The following C19orf18 variants were observed in gnomAD, a reference collection of about 807,000 sequenced individuals.
The protein encoded by C19orf18 is uncharacterized protein C19orf18.
A neutral mutation model predicts 23.3 loss-of-function variants in C19orf18; 21 were observed. The observed-to-expected ratio is 0.90, with a 90% CI of 0.64 to 1.30. The LOEUF is 1.30. Ranked by LOEUF, C19orf18 falls within the 50% of genes most tolerant of loss-of-function variation. The pLI is 0.00. For missense variants in C19orf18, 249 were observed against 259.6 expected, an observed-to-expected ratio of 0.96 and a Z score of 0.28; for synonymous variants, 96 against 95.2, an observed-to-expected ratio of 1.01 and a Z score of -0.05.
At chr19:57,969,603 A>C (rs912452274) in intron 3 of C19orf18, among the ~76,000 whole-genome samples, 3 of 148,372 alleles carry the variant, frequency 2.0e-5, no homozygotes, top group Non-Finnish European at 4.5e-5. Flanking sequence ...AAAACCAAGA[A>C]AAAAAACAAA....
At chr19:57,967,177 T>C (rs2072914692) in intron 3 of C19orf18, among the ~76,000 whole-genome samples, 1 of 151,978 alleles carries the variant, frequency 6.6e-6, no homozygotes, top group African/African-American at 2.4e-5. Context: ...ATATTAGCTG[T>C]GTGGTGGGGA....
rs915652440 is a variant in C19orf18 at position 57,972,358 on chromosome 19, G to C, written c.268+105C>G. The C allele has an allele frequency of 2.2e-6, 3 of 1,346,232 alleles. No homozygotes were observed. In the African/African-American group the frequency reaches 4.4e-5, roughly 20 times the overall value. The allele number at this position is 1,346,232 out of a possible 1,614,324, so 83.4% of individuals were successfully genotyped here. A position where few individuals can be genotyped will look rare whatever the true frequency, so the allele number is the denominator to read the frequency against. ...TGTCTAACACACATGAAGGCACCAC[G>C]TGTGCAGGCTCCTTGGTGACCAGCC... On this transcript the variant is annotated intron_variant, in intron 3 of 5. Transcript: ENST00000314391.
At chr19:57,965,886 G>A (rs904293486) in intron 4 of C19orf18, among the ~76,000 whole-genome samples, 12 of 151,890 alleles carry the variant, frequency 7.9e-5, no homozygotes, top group African/African-American at 2.4e-4. Flanking sequence ...TTTCACAACC[G>A]TGTGTCTGTG....
intron 2 of C19orf18, 80 bp from the exon 3 acceptor site, chr19:57,972,584 T>C (rs940181157): frequency 1.3e-6 from 2 of 1,513,740 alleles, no homozygotes; most frequent in Admixed American, 3.6e-5. Context: ...AGGAAATAAC[T>C]TAGCATTAGA....
chr19:57,961,890 C>T (rs2375162), intron 4 of C19orf18, among the ~76,000 whole-genome samples: 38,381 of 149,596 alleles, frequency 0.26, 5,089 homozygotes, highest in African/African-American at 0.35. Context: ...CTTTTTCTTT[C>T]TCTTTTTTTT....
At chr19:57,962,778 A>G (rs2072882400) in intron 4 of C19orf18, among the ~76,000 whole-genome samples, 1 of 151,396 alleles carries the variant, frequency 6.6e-6, no homozygotes, top group African/African-American at 2.4e-5. Flanking sequence ...AATCACTTGA[A>G]CCTGGGAGGC....
chr19:57,966,659 G>T, intron 3 of C19orf18, 27 bp from the exon 4 acceptor site: 2 of 1,491,536 alleles, frequency 1.3e-6, no homozygotes, highest in East Asian at 2.3e-5. Flanking sequence ...GAAAAGAAGT[G>T]CTCAAAAATG....
chr19:57,964,427 G>A (rs1208228706), intron 4 of C19orf18, among the ~76,000 whole-genome samples: 1 of 152,106 alleles, frequency 6.6e-6, no homozygotes, highest in African/African-American at 2.4e-5. Context: ...GACTACAGGT[G>A]CGTGCTACCA....
rs1008466804 is a variant in C19orf18, at chr19:57,969,323, G to A, written c.269-2691C>T. Reference sequence around the variant, plus strand: ...TGTAGTCCCAGCACTTTGGGAGGCCGAGGTGTGCGGATCACAAGGTCAGGA... The same window carrying A: ...TGTAGTCCCAGCACTTTGGGAGGCCAAGGTGTGCGGATCACAAGGTCAGGA... On this transcript the variant is annotated intron_variant, in intron 3 of 5. Coordinates refer to ENST00000314391, the MANE Select transcript of C19orf18 (RefSeq NM_152474.5). 3.9e-5 allele frequency among the ~76,000 whole-genome samples: 6 copies of A among 151,934 alleles called. No homozygotes were observed. The South Asian group carries it at 6.2e-4, about 16-fold the overall frequency.
intron 4 of C19orf18, among the ~76,000 whole-genome samples, chr19:57,965,788 A>AAATAT (rs1420013197): frequency 2.6e-5 from 4 of 152,140 alleles, no homozygotes; most frequent in Non-Finnish European, 4.4e-5. Flanking sequence ...AAATAAAATA[A>AAATAT]AATACTGAAT....
chr19:57,974,441 A>T lies in C19orf18; in HGVS notation c.-9T>A. On this transcript the variant is annotated 5_prime_UTR_variant, in exon 1 of 6. It adds an upstream start codon to the 5' untranslated region. Transcript: ENST00000314391. Reference sequence around the variant, plus strand: ...CTCTGAACCTTGTCCATCACTCTCAAATTATCAGTATTTTATCCCGTAGAT... The same window carrying T: ...CTCTGAACCTTGTCCATCACTCTCATATTATCAGTATTTTATCCCGTAGAT... 1 of 1,613,270 alleles carries T rather than the reference A, an allele frequency of 6.2e-7. No individual in the cohort carries two copies. Among genetic ancestry groups the T allele is most frequent in the Non-Finnish European group, 8.5e-7 (1 of 1,179,866 alleles).
intron 2 of C19orf18, among the ~76,000 whole-genome samples, chr19:57,973,852 G>C (rs562199069): frequency 1.2e-3 from 181 of 152,138 alleles, no homozygotes; most frequent in Non-Finnish European, 2.2e-3. Flanking sequence ...ATCTGGATGG[G>C]ATCAAGGTTT....
intron 4 of C19orf18, among the ~76,000 whole-genome samples, chr19:57,965,144 T>TATTTATTTATTTATTA (rs1292521342): frequency 6.6e-6 from 1 of 151,462 alleles, no homozygotes; most frequent in East Asian, 1.9e-4. Flanking sequence ...TTTATTTATT[T>TATTTATTTATTTATTA]ATTATTTGCG....
At chr19:57,966,070 C>T (rs964156413) in intron 4 of C19orf18, among the ~76,000 whole-genome samples, 7 of 151,846 alleles carry the variant, frequency 4.6e-5, no homozygotes, top group South Asian at 4.2e-4. Context: ...CTCCGCCTCC[C>T]GGGTTCACAC....
At chr19:57,970,237 G>A (rs943605219) in intron 3 of C19orf18, among the ~76,000 whole-genome samples, 8 of 152,188 alleles carry the variant, frequency 5.3e-5, no homozygotes, top group Admixed American at 3.9e-4. Context: ...GGTGCCAGCT[G>A]TGAGAGCCCC....
At chr19:57,969,152 G>A (rs1293512798) in intron 3 of C19orf18, among the ~76,000 whole-genome samples, 2 of 152,052 alleles carry the variant, frequency 1.3e-5, no homozygotes, top group African/African-American at 4.8e-5. Flanking sequence ...CTGTTTCCAG[G>A]AATCTATAAG....
At chr19:57,969,121 G>A (rs914878273) in intron 3 of C19orf18, among the ~76,000 whole-genome samples, 2 of 152,122 alleles carry the variant, frequency 1.3e-5, no homozygotes, top group Non-Finnish European at 2.9e-5. Context: ...TGGTGTACCC[G>A]TGTGTGGTGG....
chr19:57,960,442 A>G (rs1030100088), intron 5 of C19orf18, among the ~76,000 whole-genome samples: 1 of 151,930 alleles, frequency 6.6e-6, no homozygotes, highest in Non-Finnish European at 1.5e-5. Context: ...AAAAAAAAAA[A>G]AAAGAACTTC....
In C19orf18 at chr19:57,965,376, G is replaced by A. The variant is rs1047103105; in HGVS notation, c.371+1154C>T. 3.1e-4 allele frequency among the ~76,000 whole-genome samples: 47 copies of A among 152,074 alleles called. 1 individual carries two copies. Among genetic ancestry groups the A allele is most frequent in the South Asian group, 1.7e-3 (8 of 4,818 alleles). Reference sequence around the variant, plus strand: ...TCTTGAACTCCTGACCTCAGGTGATGTACCCGCCTCAGCCTCCCAGAGTGC... The same window carrying A: ...TCTTGAACTCCTGACCTCAGGTGATATACCCGCCTCAGCCTCCCAGAGTGC... On this transcript the variant is annotated intron_variant, in intron 4 of 5. Transcript: ENST00000314391.
Sources: gnomAD v4.1 joint callset for allele counts (sites outside exome capture counted in the v4.1 genomes callset) on GRCh38, gnomAD v4.1.1 for gene constraint, MANE v1.5 for transcripts, NCBI Gene and HGNC (gene_info 2026-07-23, HGNC 2026-07-21) for gene names.